Variants in SLC38A9 observed in about 807,000 individuals in gnomAD.
The protein encoded by SLC38A9 is solute carrier family 38 member 9.
Under a neutral mutation model 62.3 loss-of-function variants are expected in SLC38A9, and 48 were observed. That is an observed-to-expected ratio of 0.77 (90% CI 0.61 to 0.98). The LOEUF (loss-of-function observed/expected upper bound fraction) is 0.98, where lower values mean the gene tolerates loss of function less well. Ranked by LOEUF, SLC38A9 falls within the 50% of genes least tolerant of loss-of-function variation. SLC38A9 has a pLI of 0.00. For missense variants in SLC38A9, 541 were observed against 679.8 expected, an observed-to-expected ratio of 0.80 and a Z score of 2.27; for synonymous variants, 204 against 227.7, an observed-to-expected ratio of 0.90 and a Z score of 0.94.
chr5:55,635,644 C>G lies in SLC38A9; in HGVS notation c.1181G>C (p.Cys394Ser). The change falls in exon 13 of 16, where the codon TGC becomes TCC. Residue 394 changes from cysteine to serine, a missense_variant. Transcript: ENST00000396865. ...TAATGTCACCAGCATATAAGCAATG[C>G]ACAAGTCCCTCACCTGTAAATACAG... ...KKQENNVRDL[C>S]IAYMLVTLTY... 6.2e-7 allele frequency: 1 copy of G among 1,612,804 alleles called. No individual in the cohort carries two copies. The highest frequency in any genetic ancestry group is 8.5e-7 in the Non-Finnish European group (1 of 1,178,906).
At chr5:55,677,811 G>A (rs1185821641) in intron 3 of SLC38A9, among the ~76,000 whole-genome samples, 1 of 151,648 alleles carries the variant, frequency 6.6e-6, no homozygotes, top group African/African-American at 2.4e-5. Context: ...TTACAGGTGT[G>A]AGCCAACATG....
intron 12 of SLC38A9, among the ~76,000 whole-genome samples, chr5:55,645,186 AAGT>A (rs1746128126): frequency 6.6e-6 from 1 of 152,050 alleles, no homozygotes; most frequent in Admixed American, 6.6e-5. Flanking sequence ...TCAGCCTCCC[AAGT>A]AGCTGGGACT....
intron 3 of SLC38A9, among the ~76,000 whole-genome samples, chr5:55,685,347 G>A (rs1753631050): frequency 6.6e-6 from 1 of 152,104 alleles, no homozygotes; most frequent in African/African-American, 2.4e-5. Flanking sequence ...TTATATAAAT[G>A]GAATCATACA....
rs67502985 is a variant in SLC38A9 at position 55,626,010 on chromosome 5, A to C, written c.*484T>G. 0.039 allele frequency: 5,960 copies of C among 153,034 alleles called. 156 individuals are homozygous for C. Among genetic ancestry groups the C allele is most frequent in the African/African-American group, 0.082 (3,423 of 41,544 alleles). The allele number at this position is 153,034 out of a possible 1,614,324, so 9.5% of individuals were successfully genotyped here. On this transcript the variant is annotated 3_prime_UTR_variant, in exon 16 of 16. Coordinates refer to ENST00000396865, the MANE Select transcript of SLC38A9 (RefSeq NM_173514.4). Reference sequence around the variant, plus strand: ...GATGCCATGAAAACTTCTTTTTAAAAATGAGGTATTTGGCTTACTGTCCCA... The same window carrying C: ...GATGCCATGAAAACTTCTTTTTAAACATGAGGTATTTGGCTTACTGTCCCA...
intron 3 of SLC38A9, among the ~76,000 whole-genome samples, chr5:55,690,078 G>T (rs1020747000): frequency 6.6e-6 from 1 of 152,124 alleles, no homozygotes; most frequent in Non-Finnish European, 1.5e-5. Flanking sequence ...CAATGAATTT[G>T]TAAGAATAAA....
Position 55,635,549 on chromosome 5 carries a change from C to G in SLC38A9, c.1276G>C (p.Glu426Gln). The G allele has an allele frequency of 1.2e-6, 2 of 1,609,386 alleles. No homozygotes were observed. Among genetic ancestry groups the G allele is most frequent in the South Asian group, 1.1e-5 (1 of 90,946 alleles). ...GAGGGTACACGGTGCCTTACCTGCT[C>G]AATACAATCTTTGGATAATGGTGGT... The part of the protein sequence containing the change: ...PSPPLSKDCI[E>Q]QNFLDNFPSS... The change falls in exon 13 of 16, where the codon GAG becomes CAG. Residue 426 changes from glutamate (E) to glutamine (Q), a missense_variant. By Grantham distance (29) the Glu-to-Gln change is conservative. Transcript: ENST00000396865.
At chr5:55,709,120 G>A (rs1228393753) in intron 2 of SLC38A9, among the ~76,000 whole-genome samples, 3 of 152,106 alleles carry the variant, frequency 2.0e-5, no homozygotes, top group Non-Finnish European at 4.4e-5. Flanking sequence ...ATTCTGATGT[G>A]ACAGTTGGAA....
At chr5:55,649,642 C>T (rs1406244996) in intron 10 of SLC38A9, among the ~76,000 whole-genome samples, 3 of 151,986 alleles carry the variant, frequency 2.0e-5, no homozygotes, top group East Asian at 3.9e-4. Flanking sequence ...GCCAACATGG[C>T]GAAACTTCAT....
intron 12 of SLC38A9, among the ~76,000 whole-genome samples, chr5:55,636,565 A>T (rs1744430036): frequency 6.6e-6 from 1 of 152,174 alleles, no homozygotes; most frequent in Non-Finnish European, 1.5e-5. Flanking sequence ...AGAAAAAAAT[A>T]AACTTAAAAA....
chr5:55,648,748 C>T (rs188708622), intron 11 of SLC38A9, among the ~76,000 whole-genome samples: 4 of 152,290 alleles, frequency 2.6e-5, no homozygotes, highest in East Asian at 1.9e-4. Flanking sequence ...CCACATTGTA[C>T]GTTCCCAACA....
At chr5:55,706,808 C>A (rs1421543979) in intron 2 of SLC38A9, among the ~76,000 whole-genome samples, 1 of 151,986 alleles carries the variant, frequency 6.6e-6, no homozygotes, top group African/African-American at 2.4e-5. Flanking sequence ...CTTTTTTCCC[C>A]ACACAGAGCC....
chr5:55,669,494 T>C lies in SLC38A9; in HGVS notation c.432+63A>G, dbSNP rs969883589. On this transcript the variant is annotated intron_variant, in intron 6 of 15. Transcript: ENST00000396865. ...TGTAGATTTATTAAAACCTCTGTTATAAAACTTACAATATAAAGAGAAAAA... is the reference window on the plus strand; with the variant it reads ...TGTAGATTTATTAAAACCTCTGTTACAAAACTTACAATATAAAGAGAAAAA... 132 of 1,458,610 alleles carry C rather than the reference T, an allele frequency of 9.0e-5. No individual in the cohort carries two copies. In the African/African-American group the frequency reaches 1.7e-3, roughly 19 times the overall value. 90.4% of individuals were successfully genotyped at this position (1,458,610 alleles called of 1,614,324 possible). A position where few individuals can be genotyped will look rare whatever the true frequency, so the allele number is the denominator to read the frequency against.
chr5:55,687,429 A>T (rs113133952), intron 3 of SLC38A9, among the ~76,000 whole-genome samples: 2 of 96,210 alleles, frequency 2.1e-5, no homozygotes, highest in Admixed American at 9.3e-5. Flanking sequence ...TCCGTCTCAA[A>T]AAAAAAAAAA....
At chr5:55,637,265 G>A (rs1744566464) in intron 12 of SLC38A9, among the ~76,000 whole-genome samples, 1 of 152,178 alleles carries the variant, frequency 6.6e-6, no homozygotes, top group Non-Finnish European at 1.5e-5. Context: ...TTGCAAAGAA[G>A]TGTACCATAG....
intron 3 of SLC38A9, chr5:55,696,765 C>CG (rs1487388575): frequency 6.7e-6 from 1 of 149,528 alleles, no homozygotes; most frequent in Non-Finnish European, 1.4e-5. Context: ...ACTTCCCAGA[C>CG]GGGGTGGCTG....
rs1257642593 is a variant in SLC38A9, at chr5:55,651,246, ATCTTTT to A, written c.952+1277_952+1282del. 4.4e-5 allele frequency among the ~76,000 whole-genome samples: 5 copies of A among 114,100 alleles called. No homozygotes were observed. The East Asian group carries it at 1.0e-3, about 23-fold the overall frequency. 74.9% of individuals were successfully genotyped at this position (114,100 alleles called of 152,430 possible). A position where few individuals can be genotyped will look rare whatever the true frequency, so the allele number is the denominator to read the frequency against. On this transcript the variant is annotated intron_variant, in intron 10 of 15. Coordinates refer to ENST00000396865, the MANE Select transcript of SLC38A9 (RefSeq NM_173514.4). Reference sequence around the variant, plus strand: ...TTTCACTGGGGGGGTTCCTTTTGCCATCTTTTTTTTTTTTTTTTTTTTAAGACAGAG... The same window carrying A: ...TTTCACTGGGGGGGTTCCTTTTGCCATTTTTTTTTTTTTTTTAAGACAGAG...
chr5:55,709,804 C>T (rs1028797014), intron 2 of SLC38A9, among the ~76,000 whole-genome samples: 15 of 151,994 alleles, frequency 9.9e-5, no homozygotes, highest in South Asian at 2.1e-4. Flanking sequence ...GTGTGGCACA[C>T]GCCTGTAATC....
At position 55,672,595 on chromosome 5, in the gene SLC38A9, T is replaced by C. The variant is rs1458060814; in HGVS notation, c.214A>G (p.Ser72Gly). The change falls in exon 4 of 16, where the codon AGC (serine) becomes GGC (glycine). Residue 72 changes from serine to glycine, a missense_variant. Coordinates refer to ENST00000396865, the MANE Select transcript of SLC38A9 (RefSeq NM_173514.4). ...SAMNKRIHYY[S>G]RLTTPADKAL... is the part of the protein sequence containing the mutation. ...TTGTCTGCAGGAGTGGTGAGCCGGC[T>C]GTAGTAATGAATTCTCTTGTTCATG... is the stretch of plus-strand genomic sequence containing the variant. The C allele has an allele frequency of 5.0e-6, 8 of 1,614,180 alleles. No individual in the cohort carries two copies. The highest frequency in any genetic ancestry group is 1.7e-5 in the Admixed American group (1 of 60,018).
At chr5:55,698,831 C>T (rs4579209) in intron 2 of SLC38A9, among the ~76,000 whole-genome samples, 91,051 of 151,676 alleles carry the variant, frequency 0.6, 27,861 homozygotes, top group South Asian at 0.7. Flanking sequence ...CTTTGGAGGC[C>T]GAGGCTGAAG....
Sources: gnomAD v4.1 joint callset for allele counts (sites outside exome capture counted in the v4.1 genomes callset) on GRCh38, gnomAD v4.1.1 for gene constraint, MANE v1.5 for transcripts, NCBI Gene and HGNC (gene_info 2026-07-23, HGNC 2026-07-21) for gene names.